The following PRKCA variants were observed in gnomAD, a reference collection of about 807,000 sequenced individuals.
The protein encoded by PRKCA is protein kinase C alpha.
In PRKCA, 27 loss-of-function variants were observed where a neutral mutation model predicts 87.0. The observed-to-expected ratio is 0.31, with a 90% CI of 0.23 to 0.43. The LOEUF is 0.43. PRKCA is among the 20% of genes least tolerant of loss of function. PRKCA has a pLI of 1.00. For synonymous variants in PRKCA, 329 were observed against 311.1 expected (o/e 1.06, Z -0.61); for missense variants, 518 against 852.3 (o/e 0.61, Z 4.88).
intron 2 of PRKCA, among the ~76,000 whole-genome samples, chr17:66,370,549 C>CTTTTTTTTTTTTTTTT (rs555797425): frequency 1.8e-5 from 2 of 113,670 alleles, no homozygotes; most frequent in Admixed American, 9.0e-5. Flanking sequence ...CTTTTCTTTT[C>CTTTTTTTTTTTTTTTT]TTTTTTTTTT....
chr17:66,344,288 G>C (rs930560619), intron 2 of PRKCA, among the ~76,000 whole-genome samples: 1 of 152,156 alleles, frequency 6.6e-6, no homozygotes, highest in Non-Finnish European at 1.5e-5. Context: ...TCCTTTAGCG[G>C]TAATTGTGCA....
At chr17:66,479,283 G>C (rs1407953705) in intron 2 of PRKCA, among the ~76,000 whole-genome samples, 1 of 152,140 alleles carries the variant, frequency 6.6e-6, no homozygotes, top group Non-Finnish European at 1.5e-5. Context: ...CTGATCATTA[G>C]AGAAATGCAA....
chr17:66,649,495 T>C (rs1971537259), intron 5 of PRKCA, among the ~76,000 whole-genome samples: 1 of 152,214 alleles, frequency 6.6e-6, no homozygotes, highest in Admixed American at 6.5e-5. Context: ...CTTCTTGAAA[T>C]GAGCAAAGGA....
At chr17:66,629,685 T>TA (rs142313173) in intron 3 of PRKCA, among the ~76,000 whole-genome samples, 3,584 of 152,196 alleles carry the variant, frequency 0.024, 137 homozygotes, top group African/African-American at 0.082. Context: ...TATTTGGTGC[T>TA]AAAAAAATGG....
chr17:66,332,293 T>A (rs1906379513), intron 2 of PRKCA, among the ~76,000 whole-genome samples: 1 of 149,910 alleles, frequency 6.7e-6, no homozygotes, highest in Admixed American at 6.7e-5. Context: ...AGTGGCACGA[T>A]CTCAGCTCAC....
chr17:66,608,992 G>A (rs1032530641), intron 3 of PRKCA, among the ~76,000 whole-genome samples: 3 of 152,178 alleles, frequency 2.0e-5, no homozygotes, highest in Non-Finnish European at 4.4e-5. Context: ...ACAGGAAGGC[G>A]AACGAGGCCA....
In PRKCA at chr17:66,407,507, T is replaced by C. The variant is rs140405600; in HGVS notation, c.206-88694T>C. ...GACAGCCTGCAGTACCGTGAGCCAG[T>C]TAAACCTCTTTTCTTTATAAATTAC... On this transcript the variant is annotated intron_variant, in intron 2 of 16. Coordinates refer to ENST00000413366, the MANE Select transcript of PRKCA (RefSeq NM_002737.3). 2.1e-3 allele frequency among the ~76,000 whole-genome samples: 327 copies of C among 152,288 alleles called. 2 individuals carry two copies. The highest frequency in any genetic ancestry group is 7.4e-3 in the African/African-American group (309 of 41,564).
chr17:66,689,859 T>C lies in PRKCA; in HGVS notation c.918+812T>C, dbSNP rs1972731962. Among the ~76,000 whole-genome samples the C allele has an allele frequency of 6.6e-6, 1 of 152,260 alleles. No homozygotes were observed. Among genetic ancestry groups the C allele is most frequent in the African/African-American group, 2.4e-5 (1 of 41,468 alleles). On this transcript the variant is annotated intron_variant, in intron 8 of 16. Coordinates refer to ENST00000413366, the MANE Select transcript of PRKCA (RefSeq NM_002737.3). This position sits in a 1 kb window ranked among gnomAD's most constrained non-coding sequence, Gnocchi z 4.1. ...TAGCCTTTTCAGTCTGTGTAACTGGTTAATTCCTTCGTGAATCTTTCTCTT... is the reference window on the plus strand; with the variant it reads ...TAGCCTTTTCAGTCTGTGTAACTGGCTAATTCCTTCGTGAATCTTTCTCTT...
chr17:66,630,923 C>T (rs1970993476), intron 3 of PRKCA, among the ~76,000 whole-genome samples: 2 of 152,140 alleles, frequency 1.3e-5, no homozygotes, highest in Admixed American at 6.5e-5. Context: ...ATTTGCTGTC[C>T]CCTTCTGGGG....
rs61761551 is a variant in PRKCA at position 66,742,485 on chromosome 17, A to G, written c.1386-137A>G. 4.3e-4 allele frequency: 390 copies of G among 906,470 alleles called. 4 individuals carry two copies. In the African/African-American group the frequency reaches 5.0e-3, roughly 12 times the overall value. 56.2% of individuals were successfully genotyped at this position (906,470 alleles called of 1,614,324 possible). Reference sequence around the variant, plus strand: ...AGATATCAACACACATTGACTTCTGATACTACAGTCCAGGGACTTATAGTT... The same window carrying G: ...AGATATCAACACACATTGACTTCTGGTACTACAGTCCAGGGACTTATAGTT... On this transcript the variant is annotated intron_variant, in intron 12 of 16. Transcript: ENST00000413366.
chr17:66,519,609 G>T (rs1967089541), intron 3 of PRKCA, among the ~76,000 whole-genome samples: 1 of 152,154 alleles, frequency 6.6e-6, no homozygotes, highest in Non-Finnish European at 1.5e-5. Flanking sequence ...GGTGGATGAT[G>T]ATACAGGATC....
At chr17:66,332,315 C>T (rs868417048) in intron 2 of PRKCA, among the ~76,000 whole-genome samples, 1 of 151,036 alleles carries the variant, frequency 6.6e-6, no homozygotes, top group South Asian at 2.1e-4. Context: ...GCAACCTCTG[C>T]CTCCTGGGTT....
intron 2 of PRKCA, chr17:66,403,771 A>C (rs1911177426): frequency 1.3e-5 from 2 of 152,258 alleles, no homozygotes; most frequent in African/African-American, 2.4e-5. Flanking sequence ...GCTTTGAAGC[A>C]TAACATTAGT....
rs1348251483 is a variant in PRKCA, at chr17:66,804,245, C to T, written c.*208C>T. The T allele has an allele frequency of 1.4e-5, 9 of 623,842 alleles. No homozygotes were observed. The highest frequency in any genetic ancestry group is 1.0e-4 in the Admixed American group (3 of 29,226). 38.6% of individuals were successfully genotyped at this position (623,842 alleles called of 1,614,324 possible). A position where few individuals can be genotyped will look rare whatever the true frequency, so the allele number is the denominator to read the frequency against. Reference sequence around the variant, plus strand: ...AACATTATCTTAGTGGAAGATGGTACGTCATGCTCAGTGTCCAGTTTAATT... The same window carrying T: ...AACATTATCTTAGTGGAAGATGGTATGTCATGCTCAGTGTCCAGTTTAATT... On this transcript the variant is annotated 3_prime_UTR_variant, in exon 17 of 17. Transcript: ENST00000413366.
intron 5 of PRKCA, among the ~76,000 whole-genome samples, chr17:66,652,307 A>G (rs777609086): frequency 5.3e-5 from 8 of 152,156 alleles, no homozygotes; most frequent in Non-Finnish European, 8.8e-5. Context: ...ACCAAATGCA[A>G]TCTGTAACAC....
At chr17:66,688,080 C>T (rs1972678077) in intron 6 of PRKCA, among the ~76,000 whole-genome samples, 1 of 152,140 alleles carries the variant, frequency 6.6e-6, no homozygotes, top group African/African-American at 2.4e-5. Flanking sequence ...CCTAATAAAA[C>T]TTTATTTATA....
intron 5 of PRKCA, among the ~76,000 whole-genome samples, chr17:66,675,477 T>C (rs1257530046): frequency 6.6e-6 from 1 of 152,182 alleles, no homozygotes; most frequent in Non-Finnish European, 1.5e-5. Flanking sequence ...GCTGTCCCTT[T>C]GCACACAGGT....
At chr17:66,716,956 G>T (rs1427321222) in intron 8 of PRKCA, among the ~76,000 whole-genome samples, 2 of 151,292 alleles carry the variant, frequency 1.3e-5, no homozygotes, top group African/African-American at 4.8e-5. Flanking sequence ...ATTTTGCTCT[G>T]CTGAATACAT....
chr17:66,419,851 G>A (rs188826621), intron 2 of PRKCA, among the ~76,000 whole-genome samples: 18 of 152,210 alleles, frequency 1.2e-4, no homozygotes, highest in African/African-American at 4.3e-4. Flanking sequence ...GATTGGGAAA[G>A]TCTCCAAGGC....
Sources: allele counts gnomAD v4.1 joint callset (sites outside exome capture counted in the v4.1 genomes callset), GRCh38; gene constraint gnomAD v4.1.1; non-coding constraint Gnocchi (gnomAD v3.1); transcripts MANE v1.5; gene names NCBI Gene and HGNC (gene_info 2026-07-23, HGNC 2026-07-21).